HIP1: variants seen among roughly 807,000 people sequenced by gnomAD.
HIP1 encodes huntingtin-interacting protein 1.
A neutral mutation model predicts 147.6 loss-of-function variants in HIP1; 65 were observed. That is an observed-to-expected ratio of 0.44 (90% CI 0.36 to 0.54). HIP1 has a LOEUF of 0.54. Among genes scored for constraint, HIP1 ranks in the 20% least tolerant of loss-of-function variants. HIP1 has a pLI of 0.00. For missense variants in HIP1, 1,061 were observed against 1,299.6 expected (o/e 0.82, Z 2.82); for synonymous variants, 479 against 504.0 (o/e 0.95, Z 0.67).
intron 1 of HIP1, among the ~76,000 whole-genome samples, chr7:75,712,626 T>G (rs1378916748): frequency 1.3e-5 from 2 of 152,108 alleles, no homozygotes; most frequent in African/African-American, 4.8e-5. Context: ...TCTCACTTAT[T>G]CACTCACTCT....
In HIP1 at chr7:75,562,143, T is replaced by G; in HGVS notation, c.1048A>C (p.Ile350Leu). 1.2e-6 allele frequency: 2 copies of G among 1,613,678 alleles called. No homozygotes were observed. Among genetic ancestry groups the G allele is most frequent in the Non-Finnish European group, 1.7e-6 (2 of 1,179,602 alleles). ...TCACTGCTGAATGAACTGCCAAAGA[T>G]GTCATCAAACTTGTTGTCAAATAAA... is the stretch of plus-strand genomic sequence containing the variant. Reference protein sequence around the residue: ...QNLFDNKFDDIFGSSFSSDPF... With the variant: ...QNLFDNKFDDLFGSSFSSDPF... Residue 350 changes from isoleucine (I) to leucine (L), a missense_variant, in exon 12 of 31, where the codon ATC (isoleucine) becomes CTC (leucine). Ile to Leu is a conservative substitution (Grantham distance 5). Around this residue, in one of 3 missense-constraint regions of HIP1, gnomAD observed 810 missense variants for 946.8 expected, o/e 0.86. Coordinates refer to ENST00000336926, the MANE Select transcript of HIP1 (RefSeq NM_005338.7).
At chr7:75,714,826 A>G (rs916508097) in intron 1 of HIP1, among the ~76,000 whole-genome samples, 2 of 152,166 alleles carry the variant, frequency 1.3e-5, no homozygotes, top group East Asian at 3.9e-4. Flanking sequence ...ACCATTAACT[A>G]TACTACACAA....
chr7:75,649,831 T>A (rs890090763), intron 1 of HIP1, among the ~76,000 whole-genome samples: 8 of 152,098 alleles, frequency 5.3e-5, no homozygotes, highest in Non-Finnish European at 8.8e-5. Context: ...CACCTGGAAT[T>A]TTCCATCCCT....
At chr7:75,714,048 CTT>C (rs1386903963) in intron 1 of HIP1, among the ~76,000 whole-genome samples, 11 of 145,156 alleles carry the variant, frequency 7.6e-5, no homozygotes, top group Non-Finnish European at 1.5e-4. Context: ...TTTATTTTTT[CTT>C]TTTGTTTGAG....
chr7:75,580,090 G>A (rs781985375), intron 7 of HIP1, among the ~76,000 whole-genome samples: 7 of 152,210 alleles, frequency 4.6e-5, no homozygotes, highest in Non-Finnish European at 8.8e-5. Context: ...GCCTGGAAGT[G>A]TGGCCACTCC....
intron 1 of HIP1, among the ~76,000 whole-genome samples, chr7:75,717,005 G>A (rs540016671): frequency 7.2e-5 from 11 of 152,138 alleles, no homozygotes; most frequent in Middle Eastern, 6.8e-3. Context: ...GTTTTGTAGA[G>A]ATGGGGTCTC....
chr7:75,651,047 T>C (rs1041309684), intron 1 of HIP1, among the ~76,000 whole-genome samples: 1 of 152,046 alleles, frequency 6.6e-6, no homozygotes, highest in Admixed American at 6.6e-5. Flanking sequence ...ACATTTCTTT[T>C]TGAGAGCCAC....
intron 1 of HIP1, among the ~76,000 whole-genome samples, chr7:75,715,928 G>A (rs1801304893): frequency 6.6e-6 from 1 of 151,978 alleles, no homozygotes; most frequent in Admixed American, 6.6e-5. Flanking sequence ...GGGGAATCAG[G>A]CGTGTCACAT....
intron 1 of HIP1, among the ~76,000 whole-genome samples, chr7:75,713,427 A>G (rs1801217030): frequency 6.6e-6 from 1 of 152,212 alleles, no homozygotes; most frequent in South Asian, 2.1e-4. Context: ...AGGGGGAGGC[A>G]GACAGCAAAA....
At chr7:75,708,326 A>G (rs10954377) in intron 1 of HIP1, among the ~76,000 whole-genome samples, 68,461 of 151,946 alleles carry the variant, frequency 0.45, 15,649 homozygotes, top group Admixed American at 0.51. Context: ...GATAGTGTCT[A>G]TTGATGCCCC....
At chr7:75,672,907 C>T (rs1799768971) in intron 1 of HIP1, among the ~76,000 whole-genome samples, 1 of 152,064 alleles carries the variant, frequency 6.6e-6, no homozygotes, top group South Asian at 2.1e-4. Flanking sequence ...GATATGTGGG[C>T]TTATTTCTGG....
At chr7:75,577,446 G>C (rs1352904277) in intron 7 of HIP1, among the ~76,000 whole-genome samples, 1 of 152,086 alleles carries the variant, frequency 6.6e-6, no homozygotes, top group Admixed American at 6.6e-5. Context: ...GAAACTCTAG[G>C]GTGAATTACT....
intron 1 of HIP1, among the ~76,000 whole-genome samples, chr7:75,601,491 G>T (rs1426693792): frequency 1.3e-5 from 2 of 151,970 alleles, no homozygotes; most frequent in African/African-American, 4.8e-5. Context: ...TGCTACTCGG[G>T]AGGCTGAGGC....
chr7:75,651,441 A>G (rs1798981139), intron 1 of HIP1, among the ~76,000 whole-genome samples: 2 of 134,994 alleles, frequency 1.5e-5, no homozygotes, highest in Non-Finnish European at 1.6e-5. Context: ...CCTGGGTTAC[A>G]GAGTGAGACT....
chr7:75,626,638 GAA>G (rs1798050010), intron 1 of HIP1: 1 of 152,170 alleles, frequency 6.6e-6, no homozygotes, highest in African/African-American at 2.4e-5. Context: ...AACTGGTTTT[GAA>G]CCCATGAACC....
chr7:75,547,746 C>T lies in HIP1; in HGVS notation c.2465+9G>A. ...CTCCCCTAGGTCCCACCATGCCGCT[C>T]AGACCGACCTTTCATTCACCTCCAA... On this transcript the variant is annotated intron_variant, in intron 24 of 30. Transcript: ENST00000336926. 1 of 1,612,358 alleles carries T rather than the reference C, an allele frequency of 6.2e-7. No individual in the cohort carries two copies. The highest frequency in any genetic ancestry group is 8.5e-7 in the Non-Finnish European group (1 of 1,178,412).
chr7:75,581,353 C>G, intron 6 of HIP1, 55 bp from the exon 7 acceptor site: 1 of 1,315,710 alleles, frequency 7.6e-7, no homozygotes, highest in Non-Finnish European at 1.1e-6. Flanking sequence ...CGGTCTGTTA[C>G]CTGTCCCCTC....
intron 1 of HIP1, among the ~76,000 whole-genome samples, chr7:75,679,678 T>TCATTTC (rs59847951): frequency 0.71 from 107,065 of 151,754 alleles, 38,046 homozygotes; most frequent in African/African-American, 0.78. Context: ...CTATTAATTT[T>TCATTTC]CTTGTTTGGC....
At chr7:75,670,582 A>G (rs1799702394) in intron 1 of HIP1, among the ~76,000 whole-genome samples, 1 of 151,190 alleles carries the variant, frequency 6.6e-6, no homozygotes, top group African/African-American at 2.4e-5. Flanking sequence ...ATAATTCCCC[A>G]TTCTCCCCTC....
Sources: allele counts gnomAD v4.1 joint callset (sites outside exome capture counted in the v4.1 genomes callset), GRCh38; gene constraint gnomAD v4.1.1; regional missense constraint gnomAD v4.1.1; transcripts MANE v1.5; gene names NCBI Gene and HGNC (gene_info 2026-07-23, HGNC 2026-07-21).